KCNK2: variants seen among roughly 807,000 people sequenced by gnomAD.
KCNK2 encodes potassium two pore domain channel subfamily K member 2, also known as potassium channel subfamily K member 2.
KCNK2 carries 21 observed loss-of-function variants against 40.5 expected under a neutral mutation model. The observed-to-expected ratio is 0.52, with a 90% CI of 0.37 to 0.75. The LOEUF (loss-of-function observed/expected upper bound fraction) is 0.75. KCNK2 is among the 30% of genes least tolerant of loss of function. The pLI is 0.00. For synonymous variants in KCNK2, 191 were observed against 202.2 expected, an observed-to-expected ratio of 0.94 and a Z score of 0.47; for missense variants, 399 against 531.6, an observed-to-expected ratio of 0.75 and a Z score of 2.45.
intron 3 of KCNK2, among the ~76,000 whole-genome samples, chr1:215,133,524 C>A (rs1661764004): frequency 6.6e-6 from 1 of 151,636 alleles, no homozygotes; most frequent in South Asian, 2.1e-4. Context: ...TTCTATGTGT[C>A]TCGGGTGTTT....
intron 2 of KCNK2, among the ~76,000 whole-genome samples, chr1:215,110,560 C>T (rs954940753): frequency 1.3e-5 from 2 of 152,040 alleles, no homozygotes; most frequent in African/African-American, 4.8e-5. Context: ...TGATTCTGTT[C>T]CATTGGTCCA....
At chr1:215,233,960 T>C (rs1483867612) in intron 6 of KCNK2, among the ~76,000 whole-genome samples, 2 of 152,206 alleles carry the variant, frequency 1.3e-5, no homozygotes, top group African/African-American at 4.8e-5. Context: ...TTTTTTTCTT[T>C]AATTCTCAAA....
chr1:215,217,832 C>T (rs1683287087), intron 6 of KCNK2, among the ~76,000 whole-genome samples: 1 of 152,112 alleles, frequency 6.6e-6, no homozygotes. Context: ...TAAATTTTAT[C>T]TGCACAATTC....
intron 1 of KCNK2, among the ~76,000 whole-genome samples, chr1:215,056,392 A>G (rs987608035): frequency 6.7e-6 from 1 of 149,788 alleles, no homozygotes; most frequent in Non-Finnish European, 1.5e-5. Flanking sequence ...AACTAGAGGC[A>G]TAAGATTATC....
At chr1:215,171,564 A>G (rs1159792340) in intron 4 of KCNK2, among the ~76,000 whole-genome samples, 2 of 152,126 alleles carry the variant, frequency 1.3e-5, no homozygotes, top group African/African-American at 4.8e-5. Context: ...CTCCATTTTC[A>G]TATGGTTCTG....
chr1:215,189,722 A>T (rs4320756), intron 5 of KCNK2, among the ~76,000 whole-genome samples: 1 of 152,048 alleles, frequency 6.6e-6, no homozygotes, highest in Non-Finnish European at 1.5e-5. Flanking sequence ...AAGAAAATAG[A>T]ATTTATAACA....
rs766399393 is a variant in KCNK2 at position 215,178,277 on chromosome 1, CTAAG to C, written c.823+6097_823+6100del. ...CTTTAGGCAGAATTTTTAAGGTTTT[CTAAG>C]TATAGAGTCATATTGTTAGTGAAGA... On this transcript the variant is annotated intron_variant, in intron 5 of 6. Transcript: ENST00000444842. 8.5e-5 allele frequency among the ~76,000 whole-genome samples: 13 copies of C among 152,226 alleles called. No individual in the cohort carries two copies. The East Asian group carries it at 1.7e-3, about 20-fold the overall frequency.
At chr1:215,090,180 C>G (rs933114881) in intron 2 of KCNK2, among the ~76,000 whole-genome samples, 1 of 152,146 alleles carries the variant, frequency 6.6e-6, no homozygotes, top group Non-Finnish European at 1.5e-5. Context: ...ATTTAATTGG[C>G]ACTTACTATG....
intron 6 of KCNK2, among the ~76,000 whole-genome samples, chr1:215,207,441 C>A (rs1036373186): frequency 6.6e-6 from 1 of 152,198 alleles, no homozygotes; most frequent in Non-Finnish European, 1.5e-5. Context: ...TTCCATGAAA[C>A]CGGCCCCTGG....
intron 6 of KCNK2, among the ~76,000 whole-genome samples, chr1:215,213,966 C>T (rs1665847712): frequency 6.6e-6 from 1 of 152,068 alleles, no homozygotes; most frequent in African/African-American, 2.4e-5. Context: ...TCTTTGCATT[C>T]ATCTCTAATA....
chr1:215,042,080 G>T (rs768702392), intron 1 of KCNK2, among the ~76,000 whole-genome samples: 1 of 152,082 alleles, frequency 6.6e-6, no homozygotes, highest in Non-Finnish European at 1.5e-5. Flanking sequence ...GGAAAAACCT[G>T]CCCCCATGAT....
intron 6 of KCNK2, among the ~76,000 whole-genome samples, chr1:215,195,818 A>G (rs915160996): frequency 3.3e-5 from 5 of 152,150 alleles, no homozygotes; most frequent in Non-Finnish European, 5.9e-5. Flanking sequence ...GTAATGTTTT[A>G]TTATGAAATG....
intron 5 of KCNK2, among the ~76,000 whole-genome samples, chr1:215,185,883 G>A (rs542943268): frequency 3.7e-4 from 57 of 152,254 alleles, no homozygotes; most frequent in Non-Finnish European, 7.4e-4. Context: ...CTTTTCTGAA[G>A]GCAACTTAAA....
chr1:215,199,041 G>A (rs1164238909), intron 6 of KCNK2, among the ~76,000 whole-genome samples: 1 of 152,064 alleles, frequency 6.6e-6, no homozygotes, highest in Non-Finnish European at 1.5e-5. Context: ...TTCCAGCCAG[G>A]CGCTGTGGCT....
chr1:215,011,131 C>T (rs928354881), intron 1 of KCNK2, among the ~76,000 whole-genome samples: 2 of 151,830 alleles, frequency 1.3e-5, no homozygotes, highest in African/African-American at 4.8e-5. Flanking sequence ...AGATATAGAA[C>T]GGTCCTTCAC....
chr1:215,218,229 A>C (rs1666034123), intron 6 of KCNK2, among the ~76,000 whole-genome samples: 1 of 152,332 alleles, frequency 6.6e-6, no homozygotes, highest in African/African-American at 2.4e-5. Flanking sequence ...ATCTATGAAC[A>C]TGGGAGTGGA....
chr1:215,204,815 G>A (rs1345322687), intron 6 of KCNK2, among the ~76,000 whole-genome samples: 1 of 152,100 alleles, frequency 6.6e-6, no homozygotes, highest in Non-Finnish European at 1.5e-5. Context: ...TGAGAGTAGG[G>A]GGCATTTTGA....
chr1:215,230,561 T>C, intron 6 of KCNK2, among the ~76,000 whole-genome samples: 1 of 94,282 alleles, frequency 1.1e-5, no homozygotes, highest in South Asian at 3.6e-4. Flanking sequence ...ATAACAGCCA[T>C]ATATATATAT....
At chr1:215,008,784 C>A (rs1656276841) in intron 1 of KCNK2, among the ~76,000 whole-genome samples, 1 of 151,976 alleles carries the variant, frequency 6.6e-6, no homozygotes, top group Non-Finnish European at 1.5e-5. Flanking sequence ...CTATTCTCCA[C>A]CTAATAGATT....
Sources: allele counts gnomAD v4.1 joint callset (sites outside exome capture counted in the v4.1 genomes callset), GRCh38; gene constraint gnomAD v4.1.1; transcripts MANE v1.5; gene names NCBI Gene and HGNC (gene_info 2026-07-23, HGNC 2026-07-21).